MYOM1: variants seen among roughly 807,000 people sequenced by gnomAD.
MYOM1 encodes myomesin-1.
In MYOM1, 164 loss-of-function variants were observed where a neutral mutation model predicts 205.3. The ratio of observed to expected loss-of-function variants is 0.80; its 90% CI spans 0.70 to 0.91. The LOEUF (loss-of-function observed/expected upper bound fraction) is 0.91, where lower values mean the gene tolerates loss of function less well. Ranked by LOEUF, MYOM1 falls within the 40% of genes least tolerant of loss-of-function variation. The probability of loss-of-function intolerance (pLI) is 0.00; values close to 1 mark genes in which losing one functional copy is unlikely to be tolerated. For missense variants in MYOM1, 2,011 were observed against 2,127.3 expected (o/e 0.95, Z 1.08); for synonymous variants, 772 against 789.4 (o/e 0.98, Z 0.37).
At chr18:3,194,047 A>C (rs901387956) in intron 2 of MYOM1, 89 bp from the exon 3 acceptor site, 1 of 1,330,696 alleles carries the variant, frequency 7.5e-7, no homozygotes, top group African/African-American at 1.5e-5. Context: ...ACTTGGGAGA[A>C]ATTTTACCAA....
rs751057253 is a variant in MYOM1 at position 3,168,897 on chromosome 18, T to C, written c.1259A>G (p.Glu420Gly). 19 of 1,613,752 alleles carry C rather than the reference T, an allele frequency of 1.2e-5. No individual in the cohort carries two copies. The highest frequency in any genetic ancestry group is 1.5e-5 in the Non-Finnish European group (18 of 1,179,852). Residue 420 changes from glutamate to glycine, a missense_variant, in exon 9 of 38, where the codon GAG (glutamate) becomes GGG (glycine). Transcript: ENST00000356443. The part of the protein sequence containing the change: ...KFDVSFGREG[E>G]TMSLGCRVVI... Reference sequence around the variant, plus strand: ...AACACGACAGCCTAGACTCATTGTCTCTCCCTCTCTCCCAAAAGACACATC... The same window carrying C: ...AACACGACAGCCTAGACTCATTGTCCCTCCCTCTCTCCCAAAAGACACATC...
intron 22 of MYOM1, 23 bp from the exon 23 acceptor site, chr18:3,102,653 C>T: frequency 6.2e-7 from 1 of 1,600,810 alleles, no homozygotes; most frequent in Non-Finnish European, 8.5e-7. Context: ...AAAGAAGGCA[C>T]TGATACTTCG....
chr18:3,189,169 C>T lies in MYOM1; in HGVS notation c.432-82G>A. The T allele has an allele frequency of 7.7e-7, 1 of 1,306,014 alleles. No individual in the cohort carries two copies. 80.9% of individuals were successfully genotyped at this position (1,306,014 alleles called of 1,614,324 possible). On this transcript the variant is annotated intron_variant, in intron 3 of 37. Transcript: ENST00000356443. This position sits in a 1 kb window ranked among gnomAD's most constrained non-coding sequence, Gnocchi z 4.8. ...TAATTTTACTAAGTTCAAAGTACCA[C>T]ATCTCAGACACTGTATCCTGCACCA...
At chr18:3,193,114 T>G (rs1031224865) in intron 3 of MYOM1, among the ~76,000 whole-genome samples, 3 of 151,484 alleles carry the variant, frequency 2.0e-5, no homozygotes, top group Non-Finnish European at 2.9e-5. Context: ...ACACATAATT[T>G]TTTAAAAAAA....
At chr18:3,160,337 A>G (rs1052527587) in intron 10 of MYOM1, among the ~76,000 whole-genome samples, 3 of 152,024 alleles carry the variant, frequency 2.0e-5, no homozygotes, top group African/African-American at 7.2e-5. Context: ...ACAGGCATGC[A>G]TCACACCCAG....
At chr18:3,096,666 A>G (rs1435272663) in intron 25 of MYOM1, among the ~76,000 whole-genome samples, 1 of 152,118 alleles carries the variant, frequency 6.6e-6, no homozygotes, top group African/African-American at 2.4e-5. Context: ...ACACACCAAC[A>G]TATCTGTATT....
At chr18:3,148,825 G>C (rs1431157997) in intron 13 of MYOM1, among the ~76,000 whole-genome samples, 1 of 116,288 alleles carries the variant, frequency 8.6e-6, no homozygotes, top group East Asian at 2.7e-4. Flanking sequence ...CACCCTGGGC[G>C]ACAGAGCGAG....
At chr18:3,147,498 T>A (rs910907743) in intron 13 of MYOM1, among the ~76,000 whole-genome samples, 1 of 152,002 alleles carries the variant, frequency 6.6e-6, no homozygotes, top group African/African-American at 2.4e-5. Flanking sequence ...TTTATAGAAA[T>A]GTAAAGACAG....
chr18:3,099,687 G>A (rs1349602657), intron 25 of MYOM1, among the ~76,000 whole-genome samples: 1 of 152,180 alleles, frequency 6.6e-6, no homozygotes, highest in Non-Finnish European at 1.5e-5. Flanking sequence ...TCTGACGAAG[G>A]CATGTTTGCC....
At chr18:3,201,875 C>T (rs1453663348) in intron 2 of MYOM1, among the ~76,000 whole-genome samples, 1 of 152,052 alleles carries the variant, frequency 6.6e-6, no homozygotes, top group East Asian at 1.9e-4. Context: ...AACTCTTGAG[C>T]TCAAGTGAGT....
At chr18:3,140,854 C>T (rs1277728339) in intron 14 of MYOM1, among the ~76,000 whole-genome samples, 3 of 152,022 alleles carry the variant, frequency 2.0e-5, no homozygotes. Context: ...GTAAATGATA[C>T]CTTTTCATGC....
rs139334376 is a variant in MYOM1, at chr18:3,119,316, C to T, written c.3118+553G>A. On this transcript the variant is annotated intron_variant, in intron 20 of 37. Coordinates refer to ENST00000356443, the MANE Select transcript of MYOM1 (RefSeq NM_003803.4). The stretch of plus-strand genomic sequence containing the variant: ...AGAGAGGTCAGCCTTAAACCCTAGA[C>T]AGGTGCACGAAATCCATCCATGTGA... 4.8e-3 allele frequency among the ~76,000 whole-genome samples: 733 copies of T among 152,196 alleles called. 5 individuals are homozygous for T. Among genetic ancestry groups the T allele is most frequent in the African/African-American group, 0.017 (697 of 41,518 alleles).
At chr18:3,169,389 T>C (rs1262227545) in intron 8 of MYOM1, among the ~76,000 whole-genome samples, 1 of 152,220 alleles carries the variant, frequency 6.6e-6, no homozygotes, top group African/African-American at 2.4e-5. Flanking sequence ...CCATTATTCA[T>C]AAAAATGGCG....
Position 3,126,711 on chromosome 18 carries a change from T to A in MYOM1, c.2981A>T (p.Glu994Val). Residue 994 changes from glutamate to valine, a missense_variant, in exon 19 of 38, where the codon GAG becomes GTG. By Grantham distance (121) the Glu-to-Val change is moderately radical (BLOSUM62 -2). Coordinates refer to ENST00000356443, the MANE Select transcript of MYOM1 (RefSeq NM_003803.4). ...AAGTCACGTGCTTACCTTGTATGCCTCCTCACTGACAGCCTTGACATTGGC... is the reference window on the plus strand; with the variant it reads ...AAGTCACGTGCTTACCTTGTATGCCACCTCACTGACAGCCTTGACATTGGC... The part of the protein sequence containing the change: ...REANVKAVSE[E>V]AYKISNLKEN... The A allele has an allele frequency of 6.2e-7, 1 of 1,612,888 alleles. No individual in the cohort carries two copies. Among genetic ancestry groups the A allele is most frequent in the East Asian group, 2.2e-5 (1 of 44,864 alleles).
chr18:3,090,660 T>C lies in MYOM1; in HGVS notation c.4007A>G (p.Asp1336Gly). ...TTAATGTTCCACGGAATTCTTACCA[T>C]CTCCAACGAGAACAACAGTAGAATG... is the stretch of plus-strand genomic sequence containing the variant. ...TNHSTVVLVG[D>G]VFKKLQKEAE... The change falls in exon 27 of 38, where the codon GAT becomes GGT. Residue 1336 changes from aspartate to glycine, a missense_variant and splice_region_variant. By Grantham distance (94) the Asp-to-Gly change is moderately conservative (BLOSUM62 -1). Transcript: ENST00000356443. 6.2e-7 allele frequency: 1 copy of C among 1,613,958 alleles called. No homozygotes were observed. The highest frequency in any genetic ancestry group is 8.5e-7 in the Non-Finnish European group (1 of 1,179,866).
At chr18:3,161,813 T>C (rs2080394681) in intron 10 of MYOM1, among the ~76,000 whole-genome samples, 1 of 152,248 alleles carries the variant, frequency 6.6e-6, no homozygotes, top group African/African-American at 2.4e-5. Context: ...CCGTACTTTT[T>C]TGAACCTCAG....
At chr18:3,235,793 G>C in the MYOM1 span, among the ~76,000 whole-genome samples, 1 of 152,192 alleles carries the variant, frequency 6.6e-6, no homozygotes, top group Non-Finnish European at 1.5e-5. Context: ...GGAACGCTGT[G>C]GGTGGAAGCT....
intron 2 of MYOM1, among the ~76,000 whole-genome samples, chr18:3,198,789 A>C (rs2081026803): frequency 6.6e-6 from 1 of 150,974 alleles, no homozygotes; most frequent in African/African-American, 2.4e-5. Context: ...TCTCAAAAAA[A>C]GAAAAAAAAA....
intron 13 of MYOM1, among the ~76,000 whole-genome samples, chr18:3,144,430 G>A (rs1482012756): frequency 2.6e-5 from 4 of 151,886 alleles, no homozygotes; most frequent in African/African-American, 7.3e-5. Context: ...ACAAATAAAT[G>A]GAATAGATGG....
Sources: allele counts gnomAD v4.1 joint callset (sites outside exome capture counted in the v4.1 genomes callset), GRCh38; gene constraint gnomAD v4.1.1; non-coding constraint Gnocchi (gnomAD v3.1); transcripts MANE v1.5; gene names NCBI Gene and HGNC (gene_info 2026-07-23, HGNC 2026-07-21).